The following TG variants were observed in gnomAD, a reference collection of about 807,000 sequenced individuals.
The protein encoded by TG is thyroglobulin, also known as thyroid hormones.
TG carries 270 observed loss-of-function variants against 324.7 expected under a neutral mutation model. The observed-to-expected ratio is 0.83, with a 90% CI of 0.75 to 0.92. TG has a LOEUF of 0.92. TG is among the 40% of genes least tolerant of loss of function. The pLI is 0.00. For missense variants in TG, 3,591 were observed against 3,456.4 expected (o/e 1.04, Z -0.98); for synonymous variants, 1,401 against 1,327.0 (o/e 1.06, Z -1.21).
chr8:132,989,070 G>A (rs1170214767), intron 35 of TG: 3 of 210,892 alleles, frequency 1.4e-5, no homozygotes, highest in African/African-American at 2.4e-5. Flanking sequence ...AGCAGGCAAA[G>A]AGAGAGCTTG....
intron 35 of TG, among the ~76,000 whole-genome samples, chr8:132,998,527 A>G (rs1310449938): frequency 1.3e-5 from 2 of 152,174 alleles, no homozygotes; most frequent in African/African-American, 4.8e-5. Context: ...TCCCATTGGG[A>G]GGAAGAGAAT....
intron 45 of TG, among the ~76,000 whole-genome samples, chr8:133,121,772 G>A (rs1055656137): frequency 6.6e-6 from 1 of 152,180 alleles, no homozygotes; most frequent in Non-Finnish European, 1.5e-5. Flanking sequence ...ATAGTGCTAA[G>A]AGTATTCTGT....
At chr8:133,014,313 A>G (rs918791149) in intron 37 of TG, among the ~76,000 whole-genome samples, 1 of 152,198 alleles carries the variant, frequency 6.6e-6, no homozygotes, top group African/African-American at 2.4e-5. Context: ...GGCTGAGTTT[A>G]GTTTTAAAAC....
chr8:133,117,327 A>G (rs756433537), intron 45 of TG, among the ~76,000 whole-genome samples: 5 of 152,240 alleles, frequency 3.3e-5, no homozygotes, highest in Non-Finnish European at 7.4e-5. Context: ...TTTGGGTTTC[A>G]TAGCTCTAAT....
chr8:132,922,053 G>A (rs1374401301), intron 21 of TG, among the ~76,000 whole-genome samples: 1 of 152,202 alleles, frequency 6.6e-6, no homozygotes, highest in Non-Finnish European at 1.5e-5. Context: ...TCTGCCAACT[G>A]TATAGTGGGT....
chr8:133,123,006 C>T (rs1437940847), intron 45 of TG, among the ~76,000 whole-genome samples: 1 of 152,008 alleles, frequency 6.6e-6, no homozygotes, highest in Non-Finnish European at 1.5e-5. Flanking sequence ...GGAGGCTGTG[C>T]TGTGCATTGA....
At chr8:132,983,689 A>G in intron 35 of TG, 2 of 536,156 alleles carry the variant, frequency 3.7e-6, no homozygotes, top group South Asian at 2.1e-5. Flanking sequence ...CCCAGTTTTC[A>G]TTTTAAGGAT....
In TG at chr8:132,883,019, T is replaced by A; in HGVS notation, c.1075+20T>A. 6.2e-7 allele frequency: 1 copy of A among 1,611,890 alleles called. No individual in the cohort carries two copies. ...CTTGTGGTGGGTTTCCTCTGGGGGC[T>A]TCCTCTTTCGGCCTCGGATCATATT... is the stretch of plus-strand genomic sequence containing the variant. On this transcript the variant is annotated intron_variant, in intron 8 of 47. Coordinates refer to ENST00000220616, the MANE Select transcript of TG (RefSeq NM_003235.5).
At chr8:132,912,959 T>C (rs1161626096) in intron 19 of TG, 88 bp from the exon 20 acceptor site, 1 of 1,225,830 alleles carries the variant, frequency 8.2e-7, no homozygotes, top group Non-Finnish European at 1.2e-6. Context: ...CCAGTCTGGA[T>C]ATTCTAGGCA....
chr8:133,114,202 G>A (rs919591934), intron 44 of TG, among the ~76,000 whole-genome samples: 10 of 152,204 alleles, frequency 6.6e-5, no homozygotes, highest in Admixed American at 2.0e-4. Flanking sequence ...AACAGCCCAA[G>A]CTCTGACAGC....
intron 11 of TG, 108 bp from the exon 12 acceptor site, chr8:132,897,541 T>A: frequency 6.8e-7 from 1 of 1,460,382 alleles, no homozygotes; most frequent in Non-Finnish European, 9.5e-7. Context: ...AATAAATAAA[T>A]AAGAAGGCCT....
rs190940971 is a variant in TG, at chr8:133,096,394, G to A, written c.7572+21G>A. 200 of 1,613,998 alleles carry A rather than the reference G, an allele frequency of 1.2e-4. 1 individual carries two copies. The highest frequency in any genetic ancestry group is 1.1e-3 in the Admixed American group (64 of 60,026). ...TGAAGGTAAGCAGGGAGGGGGCCTC[G>A]GATGTCTCCAGCTGGGCATTTCCTA... On this transcript the variant is annotated intron_variant, in intron 43 of 47. Transcript: ENST00000220616.
chr8:133,014,093 T>G (rs1390255615), intron 37 of TG, among the ~76,000 whole-genome samples: 1 of 152,198 alleles, frequency 6.6e-6, no homozygotes, highest in Non-Finnish European at 1.5e-5. Flanking sequence ...ATTAATCCTG[T>G]GTGGTGGCAG....
At chr8:132,871,644 G>T in intron 4 of TG, 93 bp downstream of exon 4, 1 of 1,313,092 alleles carries the variant, frequency 7.6e-7, no homozygotes. Context: ...TCCTGCCGAA[G>T]TGGGCAGAGA....
chr8:132,940,631 G>A (rs558393777), intron 25 of TG, among the ~76,000 whole-genome samples: 105 of 152,354 alleles, frequency 6.9e-4, no homozygotes, highest in African/African-American at 2.3e-3. Flanking sequence ...AGGCTGCTGA[G>A]TTATGGAGAC....
intron 32 of TG, among the ~76,000 whole-genome samples, chr8:132,969,796 C>T (rs1829219807): frequency 6.6e-6 from 1 of 151,560 alleles, no homozygotes; most frequent in African/African-American, 2.4e-5. Flanking sequence ...TGCTAGTAGT[C>T]CCAGTTACTC....
At chr8:132,882,412 G>T (rs1429536430) in intron 6 of TG, 57 bp from the exon 7 acceptor site, 1 of 1,606,022 alleles carries the variant, frequency 6.2e-7, no homozygotes, top group South Asian at 1.1e-5. Flanking sequence ...GCACAACAAG[G>T]TCAGGGCTTC....
intron 20 of TG, among the ~76,000 whole-genome samples, chr8:132,916,230 G>A (rs1820267719): frequency 1.3e-5 from 2 of 152,148 alleles, no homozygotes; most frequent in Admixed American, 6.5e-5. Flanking sequence ...CTTATTGCAT[G>A]GGGTAATACC....
intron 35 of TG, among the ~76,000 whole-genome samples, chr8:132,986,683 A>G (rs1340320046): frequency 2.6e-5 from 4 of 152,146 alleles, no homozygotes; most frequent in Non-Finnish European, 5.9e-5. Flanking sequence ...AAAGTGAACT[A>G]CTTGGTACCT....
Sources: allele counts gnomAD v4.1 joint callset (sites outside exome capture counted in the v4.1 genomes callset), GRCh38; gene constraint gnomAD v4.1.1; transcripts MANE v1.5; gene names NCBI Gene and HGNC (gene_info 2026-07-23, HGNC 2026-07-21).